Variants in P4HA2 observed in about 807,000 individuals in gnomAD.
P4HA2 encodes prolyl 4-hydroxylase subunit alpha-2.
Under a neutral mutation model 76.9 loss-of-function variants are expected in P4HA2, and 46 were observed. That is an observed-to-expected ratio of 0.60 (90% confidence interval 0.47 to 0.76). The LOEUF (loss-of-function observed/expected upper bound fraction) is 0.76, where lower values mean the gene tolerates loss of function less well. P4HA2 is among the 30% of genes least tolerant of loss of function. The pLI is 0.00. For synonymous variants in P4HA2, 243 were observed against 254.0 expected, an observed-to-expected ratio of 0.96 and a Z score of 0.41; for missense variants, 583 against 669.4, an observed-to-expected ratio of 0.87 and a Z score of 1.42.
chr5:132,210,444 A>T lies in P4HA2; in HGVS notation c.549T>A (p.Tyr183Ter). ...CCTGCTCCATCCACAACACCGTATG[A>T]TAATAGTCCCCTTCATTGTAGGCCG... ...GRSAYNEGDY[Y>*]HTVLWMEQVL... The change falls in exon 6 of 15, where the codon TAT (tyrosine) becomes TAA (stop). Residue 183 changes from tyrosine (Y) to a stop codon, truncating the protein, a stop_gained. Coordinates refer to ENST00000360568, the MANE Select transcript of P4HA2 (RefSeq NM_001017974.2). LOFTEE classifies it high-confidence loss of function. The T allele has an allele frequency of 1.9e-6, 3 of 1,614,140 alleles. No individual in the cohort carries two copies. Among genetic ancestry groups the T allele is most frequent in the Non-Finnish European group, 2.5e-6 (3 of 1,180,004 alleles).
chr5:132,210,356 G>A lies in P4HA2; in HGVS notation c.637C>T (p.Leu213Phe), dbSNP rs566626458. 6.8e-6 allele frequency: 11 copies of A among 1,614,148 alleles called. No individual in the cohort carries two copies. Among genetic ancestry groups the A allele is most frequent in the Non-Finnish European group, 9.3e-6 (11 of 1,179,996 alleles). ...CCCAACTGGAAGACAGCATAGCTGA[G>A]GTAGTCCAGCACCTGTGACTTGGTT... ...TTTKSQVLDY[L>F]SYAVFQLGDL... is the part of the protein sequence containing the mutation. Residue 213 changes from leucine (L) to phenylalanine (F), a missense_variant, in exon 6 of 15, where the codon CTC (leucine) becomes TTC (phenylalanine). By Grantham distance (22) the Leu-to-Phe change is conservative. Transcript: ENST00000360568.
chr5:132,206,713 T>C (rs891112161), intron 8 of P4HA2, among the ~76,000 whole-genome samples: 4 of 152,202 alleles, frequency 2.6e-5, no homozygotes, highest in Non-Finnish European at 5.9e-5. Flanking sequence ...CCATAGGAAT[T>C]TCCAGGAAAT....
At chr5:132,215,337 T>C (rs943188632) in intron 4 of P4HA2, among the ~76,000 whole-genome samples, 7 of 152,144 alleles carry the variant, frequency 4.6e-5, no homozygotes, top group African/African-American at 1.7e-4. Context: ...AATCATAAGG[T>C]TTTCCAAAGG....
At chr5:132,211,478 G>T (rs902956580) in intron 5 of P4HA2, among the ~76,000 whole-genome samples, 1 of 152,190 alleles carries the variant, frequency 6.6e-6, no homozygotes, top group Non-Finnish European at 1.5e-5. Flanking sequence ...GGCTCTTTCT[G>T]CCTGGAATGA....
rs1218245730 is a variant in P4HA2 at position 132,203,534 on chromosome 5, A to G, written c.1251+214T>C. The G allele has an allele frequency of 1.4e-5, 8 of 559,066 alleles. No individual in the cohort carries two copies. The East Asian group carries it at 1.8e-4, about 13-fold the overall frequency. 34.6% of individuals were successfully genotyped at this position (559,066 alleles called of 1,614,324 possible). ...TAGCTTGCAGCACACTTGGGCACAC[A>G]GCAGATGCTCAATAGATATTTGTTG... On this transcript the variant is annotated intron_variant, in intron 10 of 14. Transcript: ENST00000360568.
intron 7 of P4HA2, 132 bp downstream of exon 7, chr5:132,209,006 A>G (rs1752642254): frequency 1.5e-6 from 1 of 669,174 alleles, no homozygotes; most frequent in East Asian, 2.6e-5. Context: ...GCCTCAGGAG[A>G]TGCCATGAAA....
At chr5:132,217,554 G>T (rs1754087381) in intron 3 of P4HA2, 198 bp downstream of exon 3, 1 of 636,240 alleles carries the variant, frequency 1.6e-6, no homozygotes, top group African/African-American at 1.8e-5. Flanking sequence ...TAAGGGAAAA[G>T]GTCTTAAATA....
rs1326581988 is a variant in P4HA2, at chr5:132,209,263, T to C, written c.778A>G (p.Lys260Glu). 1.2e-6 allele frequency: 2 copies of C among 1,614,148 alleles called. No individual in the cohort carries two copies. The highest frequency in any genetic ancestry group is 1.1e-5 in the South Asian group (1 of 91,080). Residue 260 changes from lysine (K) to glutamate (E), a missense_variant, in exon 7 of 15, where the codon AAA becomes GAA. By Grantham distance (56) the Lys-to-Glu change is moderately conservative. Coordinates refer to ENST00000360568, the MANE Select transcript of P4HA2 (RefSeq NM_001017974.2). The part of the protein sequence containing the change: ...FEQLLEEERE[K>E]TLTNQTEAEL... The stretch of plus-strand genomic sequence containing the variant: ...GCTTCTGTCTGATTTGTTAACGTTT[T>C]TTCTCTCTCTTCCTCCAATAACTGC...
At chr5:132,217,444 C>A (rs568941651) in intron 3 of P4HA2, 96 bp from the exon 4 acceptor site, 2 of 1,208,922 alleles carry the variant, frequency 1.7e-6, no homozygotes, top group Non-Finnish European at 2.4e-6. Context: ...GTGCCAGGTT[C>A]TGGGGCCCTT....
chr5:132,210,463 T>C lies in P4HA2; in HGVS notation c.530A>G (p.Tyr177Cys), dbSNP rs775018490. ...CGTATGATAATAGTCCCCTTCATTG[T>C]AGGCCGAGCGGCCCATCCCAAAGCA... ...DDCFGMGRSA[Y>C]NEGDYYHTVL... The change falls in exon 6 of 15, where the codon TAC becomes TGC. Residue 177 changes from tyrosine to cysteine, a missense_variant. By Grantham distance (194) the Tyr-to-Cys change is radical (BLOSUM62 -2). Coordinates refer to ENST00000360568, the MANE Select transcript of P4HA2 (RefSeq NM_001017974.2). The C allele has an allele frequency of 8.7e-6, 14 of 1,614,028 alleles. No individual in the cohort carries two copies. The highest frequency in any genetic ancestry group is 2.2e-5 in the East Asian group (1 of 44,892).
intron 8 of P4HA2, among the ~76,000 whole-genome samples, chr5:132,205,673 C>T (rs746730574): frequency 6.6e-6 from 1 of 152,132 alleles, no homozygotes; most frequent in Non-Finnish European, 1.5e-5. Flanking sequence ...GATGGACCAA[C>T]TTGGACACTG....
In P4HA2 at chr5:132,215,850, T is replaced by TA. The variant is rs539378974; in HGVS notation, c.331+1346dup. Among the ~76,000 whole-genome samples, 57 of 81,898 alleles carry TA rather than the reference T, an allele frequency of 7.0e-4. 2 individuals carry two copies. The highest frequency in any genetic ancestry group is 3.4e-3 in the East Asian group (9 of 2,666). 53.7% of individuals were successfully genotyped at this position (81,898 alleles called of 152,430 possible). A position where few individuals can be genotyped will look rare whatever the true frequency, so the allele number is the denominator to read the frequency against. On this transcript the variant is annotated intron_variant, in intron 4 of 14. Coordinates refer to ENST00000360568, the MANE Select transcript of P4HA2 (RefSeq NM_001017974.2). Reference sequence around the variant, plus strand: ...CTAATATAGTGAGACCCTGTCCCTTTAAAAAAAAAAAAAAAAAAAAAAAAA... The same window carrying TA: ...CTAATATAGTGAGACCCTGTCCCTTTAAAAAAAAAAAAAAAAAAAAAAAAAA...
intron 4 of P4HA2, among the ~76,000 whole-genome samples, chr5:132,216,765 T>C (rs1753951165): frequency 6.6e-6 from 1 of 152,212 alleles, no homozygotes; most frequent in Non-Finnish European, 1.5e-5. Context: ...TTGCATGCCC[T>C]GGTATGTATG....
rs1290985237 is a variant in P4HA2 at position 132,209,329 on chromosome 5, G to C, written c.712C>G (p.Pro238Ala). 1 of 1,611,304 alleles carries C rather than the reference G, an allele frequency of 6.2e-7. No homozygotes were observed. Among genetic ancestry groups the C allele is most frequent in the Non-Finnish European group, 8.5e-7 (1 of 1,178,864 alleles). The part of the protein sequence containing the change: ...ELTRRLLSLD[P>A]SHERAGGNLR... ...TTCCCTCCAGCTCGTTCGTGGCTTGGGTCTAGAAAATGCAAGGAATGAGAA... is the reference window on the plus strand; with the variant it reads ...TTCCCTCCAGCTCGTTCGTGGCTTGCGTCTAGAAAATGCAAGGAATGAGAA... The change falls in exon 7 of 15, where the codon CCA (proline) becomes GCA (alanine). Residue 238 changes from proline to alanine, a missense_variant and splice_region_variant. Coordinates refer to ENST00000360568, the MANE Select transcript of P4HA2 (RefSeq NM_001017974.2).
intron 1 of P4HA2, among the ~76,000 whole-genome samples, chr5:132,225,925 C>T (rs1305848547): frequency 1.3e-5 from 2 of 152,214 alleles, no homozygotes; most frequent in Non-Finnish European, 2.9e-5. Flanking sequence ...CCAGCCAACT[C>T]ACTCCATCCT....
At chr5:132,213,812 G>C (rs1172706144) in intron 5 of P4HA2, 104 bp downstream of exon 5, 11 of 1,037,598 alleles carry the variant, frequency 1.1e-5, no homozygotes, top group Non-Finnish European at 1.6e-5. Context: ...AGGTGCACCA[G>C]AGGTGCACCC....
At chr5:132,218,002 C>T in intron 2 of P4HA2, 154 bp from the exon 3 acceptor site, 1 of 555,000 alleles carries the variant, frequency 1.8e-6, no homozygotes. Flanking sequence ...TTAAAGGGGG[C>T]CTAGGCACTC....
chr5:132,194,819 G>T, intron 14 of P4HA2, 107 bp downstream of exon 14: 2 of 769,294 alleles, frequency 2.6e-6, no homozygotes, highest in South Asian at 2.9e-5. Context: ...AAGGGAGACA[G>T]TCTCAGCAAA....
intron 12 of P4HA2, 49 bp from the exon 13 acceptor site, chr5:132,195,529 AG>A: frequency 7.3e-7 from 1 of 1,375,190 alleles, no homozygotes; most frequent in South Asian, 1.2e-5. Flanking sequence ...AGGCTCTCAG[AG>A]CAATTGAGCC....
Sources: gnomAD v4.1 joint callset for allele counts (sites outside exome capture counted in the v4.1 genomes callset) on GRCh38, gnomAD v4.1.1 for gene constraint, MANE v1.5 for transcripts, NCBI Gene and HGNC (gene_info 2026-07-23, HGNC 2026-07-21) for gene names.